The following TSC2 variants were observed in gnomAD, a reference collection of about 807,000 sequenced individuals.
TSC2 encodes TSC complex subunit 2.
Under a neutral mutation model 202.2 loss-of-function variants are expected in TSC2, and 29 were observed. The ratio of observed to expected loss-of-function variants is 0.14; its 90% confidence interval spans 0.11 to 0.20. The LOEUF (loss-of-function observed/expected upper bound fraction) is 0.20, where lower values mean the gene tolerates loss of function less well. Ranked by LOEUF, TSC2 falls within the 10% of genes least tolerant of loss-of-function variation. TSC2 has a pLI of 1.00. For missense variants in TSC2, 2,429 were observed against 2,420.0 expected (o/e 1.00, Z -0.08); for synonymous variants, 1,349 against 1,044.0 (o/e 1.29, Z -5.63).
In TSC2 at chr16:2,055,562, T is replaced by C. The variant is rs200641881; in HGVS notation, c.599+43T>C. The C allele has an allele frequency of 6.8e-4, 1,061 of 1,569,486 alleles. 9 individuals are homozygous for C. In the African/African-American group the frequency reaches 0.013, roughly 19 times the overall value. ...ATCCTGTTCTGATAATGGTCCTAAG[T>C]TCAGCTCCGCAGTGAATAAAGTTGA... On this transcript the variant is annotated intron_variant, in intron 6 of 41. Transcript: ENST00000219476.
chr16:2,064,551 C>T lies in TSC2; in HGVS notation c.1599+124C>T, dbSNP rs1225723640. On this transcript the variant is annotated intron_variant, in intron 15 of 41. Coordinates refer to ENST00000219476, the MANE Select transcript of TSC2 (RefSeq NM_000548.5). ...TGGCTGTGTCCGTAGGTGAGGCTCCCCTCCCTGCAGGGTGGGTGTCCCGAG... is the reference window on the plus strand; with the variant it reads ...TGGCTGTGTCCGTAGGTGAGGCTCCTCTCCCTGCAGGGTGGGTGTCCCGAG... 5.4e-6 allele frequency: 8 copies of T among 1,471,386 alleles called. No homozygotes were observed. In the African/African-American group the frequency reaches 5.6e-5, roughly 10 times the overall value. The allele number at this position is 1,471,386 out of a possible 1,614,324, so 91.1% of individuals were successfully genotyped here.
Position 2,054,481 on chromosome 16 carries a change from G to A in TSC2, c.481+41G>A, listed in dbSNP as rs745503567. 36 of 1,613,178 alleles carry A rather than the reference G, an allele frequency of 2.2e-5. 2 individuals are homozygous for A. The Admixed American group carries it at 3.5e-4, about 16-fold the overall frequency. On this transcript the variant is annotated intron_variant, in intron 5 of 41. Transcript: ENST00000219476. ...GGTTGGAGGTTTCTCTGGCCTTGAC[G>A]ATCAAGTGTAACCTGGATGGGAAGG...
rs377050648 is a variant in TSC2 at position 2,084,261 on chromosome 16, C to T, written c.4039C>T (p.Leu1347Phe). The part of the protein sequence containing the change: ...SSVSSQEEKS[L>F]HAEELVGRGI... ...AGTCTCCAGCCAGGAGGAGAAGTCG[C>T]TCCACGCGGAGGAGCTGGTTGGCAG... The change falls in exon 34 of 42, where the codon CTC becomes TTC. Residue 1347 changes from leucine to phenylalanine, a missense_variant. Coordinates refer to ENST00000219476, the MANE Select transcript of TSC2 (RefSeq NM_000548.5). 1 of 1,606,916 alleles carries T rather than the reference C, an allele frequency of 6.2e-7. No homozygotes were observed. The highest frequency in any genetic ancestry group is 1.1e-5 in the South Asian group (1 of 89,898).
chr16:2,080,695 AG>A (rs2090032708), intron 30 of TSC2: 1 of 349,162 alleles, frequency 2.9e-6, no homozygotes, highest in South Asian at 2.7e-5. Flanking sequence ...TGTGTTAGCC[AG>A]GATGGTCTCA....
At chr16:2,069,161 C>T (rs529349999) in intron 16 of TSC2, among the ~76,000 whole-genome samples, 64 of 152,204 alleles carry the variant, frequency 4.2e-4, no homozygotes, top group African/African-American at 1.4e-3. Context: ...CTAGTGGGCC[C>T]GGCAGGGCGG....
Position 2,082,543 on chromosome 16 carries a change from C to T in TSC2, c.3883+39C>T, listed in dbSNP as rs773188994. 3.1e-6 allele frequency: 5 copies of T among 1,598,614 alleles called. No individual in the cohort carries two copies. In the South Asian group the frequency reaches 4.4e-5, roughly 14 times the overall value. ...GAGGGAAGCGGTTGGCTGCAGAGCG[C>T]CACTCTGCCTCATAGGTGCTGTGCT... On this transcript the variant is annotated intron_variant, in intron 32 of 41. Transcript: ENST00000219476.
intron 32 of TSC2, chr16:2,083,387 C>T (rs532890890): frequency 1.1e-5 from 6 of 527,272 alleles, no homozygotes; most frequent in East Asian, 1.1e-4. Context: ...GCCCGTCGGG[C>T]GGAGAGCGTC....
chr16:2,076,553 C>T lies in TSC2; in HGVS notation c.2805C>T (p.Ala935=). The T allele has an allele frequency of 6.2e-7, 1 of 1,613,414 alleles. No homozygotes were observed. The highest frequency in any genetic ancestry group is 1.3e-5 in the African/African-American group (1 of 75,000). ...DDTPEKDSFR[A]RSTSLNERPK... ...CCCCCGAGAAGGACAGCTTCAGGGC[C>T]CGGAGTACTAGTCTCAACGAGAGAC... The change falls in exon 25 of 42, where the codon GCC becomes GCT. Residue 935 remains alanine, a synonymous_variant. Coordinates refer to ENST00000219476, the MANE Select transcript of TSC2 (RefSeq NM_000548.5).
In TSC2 at chr16:2,088,474, C is replaced by T. The variant is rs781139561; in HGVS notation, c.5288C>T (p.Pro1763Leu). The T allele has an allele frequency of 1.2e-6, 2 of 1,612,946 alleles. No homozygotes were observed. Among genetic ancestry groups the T allele is most frequent in the Admixed American group, 3.3e-5 (2 of 60,026 alleles). Residue 1763 changes from proline (P) to leucine (L), a missense_variant, in exon 42 of 42, where the codon CCC becomes CTC. Pro to Leu is a moderately conservative substitution (Grantham distance 98, BLOSUM62 -3). Coordinates refer to ENST00000219476, the MANE Select transcript of TSC2 (RefSeq NM_000548.5). ...TGCGAGGAAGCCGCCTACTCCAACC[C>T]CAGCCTACCTCTGGTGCACCCTCCG... is the stretch of plus-strand genomic sequence containing the variant. Reference protein sequence around the residue: ...RICEEAAYSNPSLPLVHPPSH... With the variant: ...RICEEAAYSNLSLPLVHPPSH...
chr16:2,063,948 C>A, intron 14 of TSC2: 1 of 455,102 alleles, frequency 2.2e-6, no homozygotes, highest in African/African-American at 2.0e-5. Flanking sequence ...ACGCACAGCA[C>A]CATGTGGGAG....
intron 11 of TSC2, 133 bp from the exon 12 acceptor site, chr16:2,061,738 T>C (rs1297642300): frequency 6.8e-7 from 1 of 1,475,282 alleles, no homozygotes; most frequent in Admixed American, 1.8e-5. Context: ...TGGGGGCGTC[T>C]GTCCCCATGC....
In TSC2 at chr16:2,060,655, G is replaced by C. The variant is rs45517150; in HGVS notation, c.976-15G>C. The C allele has an allele frequency of 6.2e-7, 1 of 1,613,948 alleles. No individual in the cohort carries two copies. Among genetic ancestry groups the C allele is most frequent in the South Asian group, 1.1e-5 (1 of 91,074 alleles). On this transcript the variant is annotated splice_polypyrimidine_tract_variant and intron_variant, in intron 10 of 41. Transcript: ENST00000219476. ...GCAGCTCTGACCCTGTGTGCTGGCC[G>C]GGCTCGTGTTCCAGGCCATGGCATG...
At chr16:2,059,746 C>T (rs529488816) in intron 10 of TSC2, among the ~76,000 whole-genome samples, 4 of 151,824 alleles carry the variant, frequency 2.6e-5, no homozygotes, top group East Asian at 1.9e-4. Context: ...CTCAAACTCC[C>T]GACCTCAGGT....
chr16:2,076,430 T>G (rs1250186509), intron 24 of TSC2, 61 bp from the exon 25 acceptor site: 1 of 1,602,086 alleles, frequency 6.2e-7, no homozygotes, highest in Non-Finnish European at 8.5e-7. Context: ...CCGGCAGGCC[T>G]GGTGAGGGCC....
chr16:2,056,477 A>T (rs899893080), intron 7 of TSC2, among the ~76,000 whole-genome samples, 167 bp from the exon 8 acceptor site: 1 of 152,228 alleles, frequency 6.6e-6, no homozygotes, highest in Admixed American at 6.5e-5. Context: ...CAGGGACGTC[A>T]GGTGCTTCCC....
chr16:2,049,979 G>C (rs768585079), intron 2 of TSC2, among the ~76,000 whole-genome samples: 2 of 135,250 alleles, frequency 1.5e-5, no homozygotes, highest in Non-Finnish European at 3.1e-5. Flanking sequence ...TTTTGAGACC[G>C]AGTTTCGCTC....
rs1198874350 is a variant in TSC2, at chr16:2,053,449, G to C, written c.333G>C (p.Gly111=). Reference sequence around the variant, plus strand: ...CTCTGCTGAAGGCCATCGTGCAGGGGCAGGTAAGGCCCAGGGCGACGCTGG... The same window carrying C: ...CTCTGCTGAAGGCCATCGTGCAGGGCCAGGTAAGGCCCAGGGCGACGCTGG... The part of the protein sequence containing the change: ...VLALLKAIVQ[G]QGERLGVLRA... The change falls in exon 4 of 42, where the codon GGG becomes GGC. Residue 111 remains glycine (G), a synonymous_variant. Transcript: ENST00000219476. The C allele has an allele frequency of 5.1e-6, 8 of 1,570,044 alleles. No individual in the cohort carries two copies. In the South Asian group the frequency reaches 9.4e-5, roughly 18 times the overall value.
rs984930044 is a variant in TSC2 at position 2,088,054 on chromosome 16, A to T, written c.5075A>T (p.Glu1692Val). The change falls in exon 40 of 42, where the codon GAG becomes GTG. Residue 1692 changes from glutamate (E) to valine (V), a missense_variant. By Grantham distance (121) the Glu-to-Val change is moderately radical. Transcript: ENST00000219476. The part of the protein sequence containing the change: ...LVSLQCRKDM[E>V]GLVDTSVAKI... ...GACCACCAAGTCTCCCCAGACATGGAGGGCCTTGTGGACACCAGCGTGGCC... is the reference window on the plus strand; with the variant it reads ...GACCACCAAGTCTCCCCAGACATGGTGGGCCTTGTGGACACCAGCGTGGCC... The T allele has an allele frequency of 1.2e-6, 2 of 1,612,468 alleles. No homozygotes were observed. The highest frequency in any genetic ancestry group is 1.7e-6 in the Non-Finnish European group (2 of 1,179,942).
At chr16:2,054,151 G>A (rs1029065982) in intron 4 of TSC2, 145 bp from the exon 5 acceptor site, 7 of 1,303,612 alleles carry the variant, frequency 5.4e-6, no homozygotes, top group Non-Finnish European at 7.6e-6. Context: ...TGCTGATGCT[G>A]CAGACCTGTC....
Sources: gnomAD v4.1 joint callset for allele counts (sites outside exome capture counted in the v4.1 genomes callset) on GRCh38, gnomAD v4.1.1 for gene constraint, MANE v1.5 for transcripts, NCBI Gene and HGNC (gene_info 2026-07-23, HGNC 2026-07-21) for gene names.